RBBP8: variants seen among roughly 807,000 people sequenced by gnomAD.
RBBP8 encodes the protein DNA endonuclease RBBP8.
In RBBP8, 88 loss-of-function variants were observed where a neutral mutation model predicts 108.3. The observed-to-expected ratio is 0.81, with a 90% CI of 0.68 to 0.97. RBBP8 has a LOEUF of 0.97. Among genes scored for constraint, RBBP8 ranks in the 50% least tolerant of loss-of-function variants. The pLI is 0.00. For missense variants in RBBP8, 1,023 were observed against 1,049.0 expected (o/e 0.98, Z 0.34); for synonymous variants, 332 against 348.2 (o/e 0.95, Z 0.52).
chr18:22,971,988 T>C (rs1204051655), intron 5 of RBBP8, among the ~76,000 whole-genome samples: 1 of 151,706 alleles, frequency 6.6e-6, no homozygotes, highest in Admixed American at 6.6e-5. Context: ...TATGTTAATG[T>C]TTTAATTGGG....
chr18:22,946,286 T>C (rs942753291), intron 2 of RBBP8, 158 bp from the exon 3 acceptor site: 6 of 858,096 alleles, frequency 7.0e-6, no homozygotes, highest in African/African-American at 1.7e-5. Context: ...ATTGCAGATA[T>C]GCTTTTGTGA....
chr18:23,024,160 C>T (rs2046418340), intron 18 of RBBP8, among the ~76,000 whole-genome samples: 1 of 150,290 alleles, frequency 6.7e-6, no homozygotes, highest in Non-Finnish European at 1.5e-5. Flanking sequence ...GCTGGGATTA[C>T]AGGCTCGAGC....
intron 1 of RBBP8, among the ~76,000 whole-genome samples, chr18:22,935,373 A>G (rs1354785913): frequency 1.3e-5 from 2 of 149,680 alleles, no homozygotes; most frequent in Non-Finnish European, 3.0e-5. Flanking sequence ...CCTTTAACAG[A>G]TAAGGCCTTT....
chr18:22,964,927 A>C (rs889431239), intron 4 of RBBP8, among the ~76,000 whole-genome samples: 44 of 152,230 alleles, frequency 2.9e-4, no homozygotes, highest in Non-Finnish European at 7.4e-5. Flanking sequence ...AACATTGTAG[A>C]TAGGTTCTTG....
At chr18:22,992,612 CTCTTT>C in intron 10 of RBBP8, 131 bp from the exon 11 acceptor site, 1 of 669,334 alleles carries the variant, frequency 1.5e-6, no homozygotes, top group South Asian at 2.0e-5. Flanking sequence ...TTTTCCCCTT[CTCTTT>C]TGTCATCTAA....
chr18:22,992,639 C>A (rs990750842), intron 10 of RBBP8, 109 bp from the exon 11 acceptor site: 2 of 871,798 alleles, frequency 2.3e-6, no homozygotes, highest in Middle Eastern at 3.3e-4. Context: ...TGAAGAGAAG[C>A]CAAAAGCTGT....
At chr18:23,015,609 T>G (rs2046242097) in intron 16 of RBBP8, among the ~76,000 whole-genome samples, 1 of 152,182 alleles carries the variant, frequency 6.6e-6, no homozygotes, top group Admixed American at 6.5e-5. Flanking sequence ...ATTTAGTTCT[T>G]TGACTCATTT....
chr18:22,991,661 T>C (rs1259544622), intron 10 of RBBP8, among the ~76,000 whole-genome samples: 1 of 152,218 alleles, frequency 6.6e-6, no homozygotes, highest in Non-Finnish European at 1.5e-5. Context: ...TTTGCAAAGA[T>C]TCAACATAGT....
intron 4 of RBBP8, among the ~76,000 whole-genome samples, chr18:22,963,277 C>T (rs1466909770): frequency 1.3e-5 from 2 of 151,870 alleles, no homozygotes; most frequent in Non-Finnish European, 2.9e-5. Flanking sequence ...TTCCCTCTTC[C>T]TCCTATGTAG....
At position 22,982,224 on chromosome 18, in the gene RBBP8, TCAA is replaced by T; in HGVS notation, c.438_440del (p.Gln147del). ...CATTGTCATTCTTCTCTAGGAATGATCAACAGCATCAAGCAGCTGAGCTTGAAT... is the reference window on the plus strand; with the variant it reads ...CATTGTCATTCTTCTCTAGGAATGATCAGCATCAAGCAGCTGAGCTTGAAT... On this transcript the variant is annotated inframe_deletion, in exon 7 of 19. Coordinates refer to ENST00000327155, the MANE Select transcript of RBBP8 (RefSeq NM_002894.3). 6.2e-7 allele frequency: 1 copy of T among 1,613,348 alleles called. No homozygotes were observed. Among genetic ancestry groups the T allele is most frequent in the Non-Finnish European group, 8.5e-7 (1 of 1,179,316 alleles).
intron 14 of RBBP8, among the ~76,000 whole-genome samples, chr18:22,998,183 T>TATAA (rs1443692170): frequency 6.6e-6 from 1 of 152,232 alleles, no homozygotes; most frequent in Non-Finnish European, 1.5e-5. Flanking sequence ...TTATAAGTGG[T>TATAA]ATAACAGTAA....
At chr18:23,013,840 A>G (rs1157396728) in intron 16 of RBBP8, among the ~76,000 whole-genome samples, 1 of 152,268 alleles carries the variant, frequency 6.6e-6, no homozygotes, top group East Asian at 1.9e-4. Context: ...ATGCCCAAAA[A>G]TAAAGACAGC....
upstream of RBBP8, among the ~76,000 whole-genome samples, chr18:22,930,090 G>A (rs750660528): frequency 1.3e-5 from 2 of 152,124 alleles, no homozygotes; most frequent in Non-Finnish European, 2.9e-5. Flanking sequence ...TTAAATCTAC[G>A]TGAGTTCCAA....
At chr18:22,914,818 T>A (rs941357728) in intron 1 of RBBP8, among the ~76,000 whole-genome samples, 3 of 152,138 alleles carry the variant, frequency 2.0e-5, no homozygotes, top group Admixed American at 2.0e-4. Flanking sequence ...GACCGTGGAA[T>A]CTGGTAACTG....
intron 4 of RBBP8, among the ~76,000 whole-genome samples, chr18:22,966,813 G>A (rs1913644639): frequency 7.0e-6 from 1 of 143,404 alleles, no homozygotes; most frequent in Non-Finnish European, 1.5e-5. Context: ...TGTAATCCCT[G>A]CCTCCTGGGT....
At chr18:23,000,347 G>A (rs1029168885) in intron 14 of RBBP8, among the ~76,000 whole-genome samples, 8 of 152,114 alleles carry the variant, frequency 5.3e-5, no homozygotes, top group African/African-American at 1.4e-4. Flanking sequence ...TTCATTTTCC[G>A]TGTCAAATAT....
intron 8 of RBBP8, 102 bp downstream of exon 8, chr18:22,985,092 C>A: frequency 1.3e-6 from 2 of 1,493,048 alleles, no homozygotes; most frequent in South Asian, 2.7e-5. Context: ...AAGGTATTTT[C>A]CATATAATTT....
At position 22,933,390 on chromosome 18, in the gene RBBP8, C is replaced by A. The variant is rs928143358; in HGVS notation, c.-273C>A. ...GGCCGCCTCCGAGCCCGGCCGGCAG[C>A]CCCCGGCCTTAAAGCGCGGGCTGTC... On this transcript the variant is annotated 5_prime_UTR_variant, in exon 1 of 19. Coordinates refer to ENST00000327155, the MANE Select transcript of RBBP8 (RefSeq NM_002894.3). 1.3e-5 allele frequency: 2 copies of A among 153,244 alleles called. No homozygotes were observed. Among genetic ancestry groups the A allele is most frequent in the Non-Finnish European group, 2.9e-5 (2 of 68,146 alleles). 9.5% of individuals were successfully genotyped at this position (153,244 alleles called of 1,614,324 possible). A position where few individuals can be genotyped will look rare whatever the true frequency, so the allele number is the denominator to read the frequency against.
chr18:23,011,791 A>G (rs893969340), intron 16 of RBBP8, among the ~76,000 whole-genome samples: 10 of 152,044 alleles, frequency 6.6e-5, no homozygotes, highest in African/African-American at 2.4e-4. Context: ...CCCGTGTAAG[A>G]CAGCGAACTC....
Sources: allele counts gnomAD v4.1 joint callset (sites outside exome capture counted in the v4.1 genomes callset), GRCh38; gene constraint gnomAD v4.1.1; transcripts MANE v1.5; gene names NCBI Gene and HGNC (gene_info 2026-07-23, HGNC 2026-07-21).